The following ZNF229 variants were observed in gnomAD, a reference collection of about 807,000 sequenced individuals.
ZNF229 encodes the protein zinc finger protein 229.
Under a neutral mutation model 11.8 loss-of-function variants are expected in ZNF229, and 10 were observed. The observed-to-expected ratio is 0.85, with a 90% CI of 0.52 to 1.44. The LOEUF is 1.44. Among genes scored for constraint, ZNF229 ranks in the 40% most tolerant of loss-of-function variants. ZNF229 has a pLI of 0.00. For synonymous variants in ZNF229, 368 were observed against 374.8 expected, an observed-to-expected ratio of 0.98 and a Z score of 0.21; for missense variants, 1,045 against 1,015.1, an observed-to-expected ratio of 1.03 and a Z score of -0.40.
chr19:44,437,062 T>C (rs1416518891), intron 4 of ZNF229, among the ~76,000 whole-genome samples: 1 of 152,084 alleles, frequency 6.6e-6, no homozygotes, highest in Non-Finnish European at 1.5e-5. Flanking sequence ...TGGCTATCCA[T>C]CTTGAAGAAA....
chr19:44,442,689 T>A (rs1971934687), intron 3 of ZNF229, 68 bp from the exon 4 acceptor site: 2 of 1,604,912 alleles, frequency 1.2e-6, no homozygotes, highest in South Asian at 2.2e-5. Flanking sequence ...ATCTACCTGG[T>A]AGGAAGGTGC....
intron 4 of ZNF229, among the ~76,000 whole-genome samples, chr19:44,433,224 A>C (rs1225546751): frequency 3.3e-5 from 5 of 151,994 alleles, no homozygotes; most frequent in Non-Finnish European, 5.9e-5. Flanking sequence ...CATCCAGCTA[A>C]TTTTTATTTT....
In ZNF229 at chr19:44,442,601, C is replaced by T. The variant is rs1356803310; in HGVS notation, c.55G>A (p.Ala19Thr). The change falls in exon 4 of 6, where the codon GCC (alanine) becomes ACC (threonine). Residue 19 changes from alanine to threonine, a missense_variant. Coordinates refer to ENST00000614049, the MANE Select transcript of ZNF229 (RefSeq NM_014518.4). ...TTCTCCTCCCTATCTTGGGAAATGG[C>T]TGAGGCTTGAGAATGAAGAGCTGTA... Reference protein sequence around the residue: ...EKRALHSQASAISQDREEKIM... With the variant: ...EKRALHSQASTISQDREEKIM... The T allele has an allele frequency of 2.5e-6, 4 of 1,613,960 alleles. No individual in the cohort carries two copies. The African/African-American group carries it at 4.0e-5, about 16-fold the overall frequency.
chr19:44,445,890 G>T (rs1971995059), intron 2 of ZNF229, among the ~76,000 whole-genome samples: 1 of 152,178 alleles, frequency 6.6e-6, no homozygotes, highest in Non-Finnish European at 1.5e-5. Flanking sequence ...CTTCACAGCA[G>T]AAGTGATTTT....
At position 44,429,946 on chromosome 19, in the gene ZNF229, C is replaced by A; in HGVS notation, c.835G>T (p.Asp279Tyr). 2.5e-6 allele frequency: 4 copies of A among 1,613,928 alleles called. No homozygotes were observed. Among genetic ancestry groups the A allele is most frequent in the Non-Finnish European group, 3.4e-6 (4 of 1,179,880 alleles). Residue 279 changes from aspartate to tyrosine, a missense_variant, in exon 6 of 6, where the codon GAC becomes TAC. Physicochemically the swap from Asp to Tyr is radical, Grantham distance 160. Coordinates refer to ENST00000614049, the MANE Select transcript of ZNF229 (RefSeq NM_014518.4). ...EYRNGFRDDA[D>Y]LPPHPRVPLK... The stretch of plus-strand genomic sequence containing the variant: ...GGTACTCTTGGATGCGGGGGAAGGT[C>A]TGCATCGTCCCTGAAGCCATTTCTG...
At chr19:44,432,198 T>C (rs757896396) in intron 5 of ZNF229, 24 bp downstream of exon 5, 2 of 1,599,372 alleles carry the variant, frequency 1.3e-6, no homozygotes, top group South Asian at 2.3e-5. Context: ...ACAAGAACAC[T>C]CCAAGAAGTT....
In ZNF229 at chr19:44,442,849, G is replaced by A. The variant is rs1436115997; in HGVS notation, c.-2C>T. 12 of 1,611,510 alleles carry A rather than the reference G, an allele frequency of 7.4e-6. 1 individual carries two copies. The highest frequency in any genetic ancestry group is 1.6e-4 in the Middle Eastern group (1 of 6,082). On this transcript the variant is annotated 5_prime_UTR_variant, in exon 3 of 6. Coordinates refer to ENST00000614049, the MANE Select transcript of ZNF229 (RefSeq NM_014518.4). The stretch of plus-strand genomic sequence containing the variant: ...ATGCCTTGAGGTCAAAGTCTCCATG[G>A]TCTCTTCTGCTAGGTTCTCTGCGAG...
chr19:44,444,334 T>C (rs1296105429), intron 2 of ZNF229, among the ~76,000 whole-genome samples: 1 of 151,802 alleles, frequency 6.6e-6, no homozygotes, highest in Non-Finnish European at 1.5e-5. Context: ...TGGATTTTAC[T>C]GCTTCAGGAA....
At position 44,426,639 on chromosome 19, in the gene ZNF229, A is replaced by G. The variant is rs896477734; in HGVS notation, c.*1664T>C. On this transcript the variant is annotated 3_prime_UTR_variant, in exon 6 of 6. Transcript: ENST00000614049. ...ACATATGCCTGAACTTATCTAAAAAATTTCCTACCAATGGAAACTGGAATA... is the reference window on the plus strand; with the variant it reads ...ACATATGCCTGAACTTATCTAAAAAGTTTCCTACCAATGGAAACTGGAATA... 6.6e-6 allele frequency: 1 copy of G among 152,176 alleles called. No homozygotes were observed. The highest frequency in any genetic ancestry group is 1.5e-5 in the Non-Finnish European group (1 of 68,044). The allele number at this position is 152,176 out of a possible 1,614,324, so 9.4% of individuals were successfully genotyped here. A position where few individuals can be genotyped will look rare whatever the true frequency, so the allele number is the denominator to read the frequency against.
rs200805506 is a variant in ZNF229 at position 44,442,792 on chromosome 19, C to T, written c.34+22G>A. ...ACTCAGTTTGGATTCTCCCCCCACC[C>T]ACCCCCTCTATTAGCTGTCACCTCT... On this transcript the variant is annotated intron_variant, in intron 3 of 5. Transcript: ENST00000614049. The T allele has an allele frequency of 4.6e-6, 7 of 1,538,212 alleles. No homozygotes were observed. In the Admixed American group the frequency reaches 5.0e-5, roughly 11 times the overall value.
chr19:44,432,397 T>A, intron 4 of ZNF229, 31 bp from the exon 5 acceptor site: 1 of 1,607,602 alleles, frequency 6.2e-7, no homozygotes, highest in Admixed American at 1.7e-5. Flanking sequence ...CACAAACATC[T>A]ACTAGATGAA....
rs779433673 is a variant in ZNF229 at position 44,428,914 on chromosome 19, T to C, written c.1867A>G (p.Thr623Ala). 5 of 1,613,410 alleles carry C rather than the reference T, an allele frequency of 3.1e-6. No individual in the cohort carries two copies. Among genetic ancestry groups the C allele is most frequent in the South Asian group, 2.2e-5 (2 of 91,054 alleles). ...GCACATTTATAGGGTTTCTCTCCAG[T>C]GTGGACCCTCTGATGGATAAGGAGG... The part of the protein sequence containing the change: ...SDLLIHQRVH[T>A]GEKPYKCAEC... Residue 623 changes from threonine to alanine, a missense_variant, in exon 6 of 6, where the codon ACT becomes GCT. By Grantham distance (58) the Thr-to-Ala change is moderately conservative. Coordinates refer to ENST00000614049, the MANE Select transcript of ZNF229 (RefSeq NM_014518.4).
At chr19:44,440,567 G>GA (rs1403550660) in intron 4 of ZNF229, among the ~76,000 whole-genome samples, 4 of 152,088 alleles carry the variant, frequency 2.6e-5, no homozygotes, top group Non-Finnish European at 5.9e-5. Context: ...TGACAAGAAT[G>GA]AATTTAGCTC....
intron 4 of ZNF229, among the ~76,000 whole-genome samples, chr19:44,436,254 T>A (rs1169168910): frequency 6.6e-6 from 1 of 152,024 alleles, no homozygotes; most frequent in Non-Finnish European, 1.5e-5. Flanking sequence ...GCACCTGTAG[T>A]CCCAGCTGTT....
intron 4 of ZNF229, among the ~76,000 whole-genome samples, chr19:44,437,354 C>G (rs918763843): frequency 2.6e-5 from 4 of 152,044 alleles, no homozygotes; most frequent in African/African-American, 9.7e-5. Flanking sequence ...GACATACATG[C>G]AGCCAACAAA....
chr19:44,442,442 G>A (rs1198212384), intron 4 of ZNF229, 121 bp downstream of exon 4: 3 of 949,666 alleles, frequency 3.2e-6, no homozygotes, highest in Admixed American at 2.3e-5. Context: ...GTGGATAAAT[G>A]CAACGAGAAA....
chr19:44,446,483 T>C (rs1216810024), intron 2 of ZNF229, among the ~76,000 whole-genome samples: 1 of 152,208 alleles, frequency 6.6e-6, no homozygotes, highest in African/African-American at 2.4e-5. Context: ...TAATCCTTAC[T>C]TGCAAAACTA....
At chr19:44,446,103 G>A (rs1971999318) in intron 2 of ZNF229, among the ~76,000 whole-genome samples, 2 of 152,172 alleles carry the variant, frequency 1.3e-5, no homozygotes, top group African/African-American at 2.4e-5. Context: ...TCACATTGGG[G>A]GAGAAAGAGG....
rs759283205 is a variant in ZNF229, at chr19:44,428,446, G to A, written c.2335C>T (p.Arg779Cys). 26 of 1,613,322 alleles carry A rather than the reference G, an allele frequency of 1.6e-5. No homozygotes were observed. The highest frequency in any genetic ancestry group is 1.7e-5 in the Non-Finnish European group (20 of 1,179,866). ...TGATGAACATGAAGACAGGAGTTGCGGCCAAAGCCCTTCCCACACTCCTCA... is the reference window on the plus strand; with the variant it reads ...TGATGAACATGAAGACAGGAGTTGCAGCCAAAGCCCTTCCCACACTCCTCA... ...KCEECGKGFG[R>C]NSCLHVHQRV... The change falls in exon 6 of 6, where the codon CGC becomes TGC. Residue 779 changes from arginine (R) to cysteine (C), a missense_variant. Coordinates refer to ENST00000614049, the MANE Select transcript of ZNF229 (RefSeq NM_014518.4).
Sources: gnomAD v4.1 joint callset for allele counts (sites outside exome capture counted in the v4.1 genomes callset) on GRCh38, gnomAD v4.1.1 for gene constraint, MANE v1.5 for transcripts, NCBI Gene and HGNC (gene_info 2026-07-23, HGNC 2026-07-21) for gene names.